Variants in DLG1 observed in about 807,000 individuals in gnomAD.
DLG1 encodes the protein discs large MAGUK scaffold protein 1.
DLG1 carries 42 observed loss-of-function variants against 123.4 expected under a neutral mutation model. The observed-to-expected ratio is 0.34, with a 90% CI of 0.27 to 0.44. DLG1 has a LOEUF of 0.44. Among genes scored for constraint, DLG1 ranks in the 20% least tolerant of loss-of-function variants. The probability of loss-of-function intolerance (pLI) is 1.00; values close to 1 mark genes in which losing one functional copy is unlikely to be tolerated. For synonymous variants in DLG1, 317 were observed against 356.2 expected (o/e 0.89, Z 1.24); for missense variants, 942 against 1,082.6 (o/e 0.87, Z 1.82).
chr3:197,051,819 G>T, intron 23 of DLG1, 151 bp from the exon 24 acceptor site: 1 of 519,640 alleles, frequency 1.9e-6, no homozygotes, highest in Non-Finnish European at 3.3e-6. Flanking sequence ...GAGTCATTCT[G>T]GTCATTTCTG....
chr3:197,214,439 G>A (rs1436984102), intron 4 of DLG1, among the ~76,000 whole-genome samples: 2 of 152,060 alleles, frequency 1.3e-5, no homozygotes, highest in African/African-American at 4.8e-5. Context: ...CGGGCGTGGT[G>A]GTGGGCGCCT....
At chr3:197,084,478 ATGTT>A (rs1753061942) in intron 16 of DLG1, among the ~76,000 whole-genome samples, 1 of 151,638 alleles carries the variant, frequency 6.6e-6, no homozygotes, top group Non-Finnish European at 1.5e-5. Context: ...CACCCAGCTA[ATGTT>A]TGTATTTTTA....
chr3:197,211,413 T>A (rs1307786490), intron 4 of DLG1, among the ~76,000 whole-genome samples: 1 of 146,252 alleles, frequency 6.8e-6, no homozygotes, highest in Non-Finnish European at 1.5e-5. Flanking sequence ...AAAAACTGAA[T>A]CCTGTAGCAC....
chr3:197,246,563 T>G (rs527906886), intron 4 of DLG1, among the ~76,000 whole-genome samples: 1 of 152,216 alleles, frequency 6.6e-6, no homozygotes, highest in African/African-American at 2.4e-5. Flanking sequence ...GTAGCTGTAA[T>G]AGACTGAATA....
At chr3:197,202,880 G>A (rs959644384) in intron 4 of DLG1, among the ~76,000 whole-genome samples, 4 of 152,194 alleles carry the variant, frequency 2.6e-5, no homozygotes, top group African/African-American at 9.6e-5. Flanking sequence ...AAGGAGGAAT[G>A]CTGTCCGTGT....
chr3:197,261,834 G>C (rs1309778056), intron 4 of DLG1, among the ~76,000 whole-genome samples: 1 of 151,998 alleles, frequency 6.6e-6, no homozygotes, highest in Non-Finnish European at 1.5e-5. Context: ...AGGCCCAATG[G>C]GACTTTACCT....
In DLG1 at chr3:197,059,904, G is replaced by A. The variant is rs752360157; in HGVS notation, c.2468C>T (p.Ser823Phe). The A allele has an allele frequency of 6.2e-7, 1 of 1,611,980 alleles. No individual in the cohort carries two copies. The highest frequency in any genetic ancestry group is 8.5e-7 in the Non-Finnish European group (1 of 1,178,344). Residue 823 changes from serine (S) to phenylalanine (F), a missense_variant, in exon 23 of 25, where the codon TCC becomes TTC. Transcript: ENST00000667157. ...TTACACTTACATGATATTTTCCATG[G>A]ATTTGGGTTTAATAAAAATGGAGAT... ...YPISIFIKPK[S>F]MENIMEMNKR...
intron 3 of DLG1, among the ~76,000 whole-genome samples, chr3:197,288,732 A>AC (rs1346092742): frequency 1.6e-5 from 2 of 122,152 alleles, no homozygotes; most frequent in African/African-American, 2.9e-5. Context: ...AAAAAAAAAA[A>AC]AAAAAAAAAA....
At chr3:197,129,181 C>T (rs1256743845) in intron 11 of DLG1, among the ~76,000 whole-genome samples, 2 of 152,232 alleles carry the variant, frequency 1.3e-5, no homozygotes, top group African/African-American at 2.4e-5. Context: ...GCTGTTTCAT[C>T]TACATTGAAA....
rs146988962 is a variant in DLG1, at chr3:197,228,511, TTTC to T, written c.319-33925_319-33923del. Reference sequence around the variant, plus strand: ...AATGATTACTAGGAATTAACCAGTGTTTCTTGTCTGTTTTTTTAGTAAACTGAA... The same window carrying T: ...AATGATTACTAGGAATTAACCAGTGTTTGTCTGTTTTTTTAGTAAACTGAA... On this transcript the variant is annotated intron_variant, in intron 4 of 24. Coordinates refer to ENST00000667157, the MANE Select transcript of DLG1 (RefSeq NM_001366207.1). Among the ~76,000 whole-genome samples the T allele has an allele frequency of 6.2e-4, 95 of 152,348 alleles. No individual in the cohort carries two copies. In the East Asian group the frequency reaches 0.017, roughly 27 times the overall value.
chr3:197,111,687 T>C (rs562472511), intron 13 of DLG1, among the ~76,000 whole-genome samples: 3 of 152,324 alleles, frequency 2.0e-5, no homozygotes, highest in African/African-American at 4.8e-5. Flanking sequence ...TGCACTTCTA[T>C]AGTCAGTCCC....
intron 16 of DLG1, among the ~76,000 whole-genome samples, chr3:197,083,199 T>G (rs1578779852): frequency 6.6e-6 from 1 of 152,306 alleles, no homozygotes; most frequent in East Asian, 1.9e-4. Flanking sequence ...CCGAAAATCA[T>G]AATTATAAAT....
intron 23 of DLG1, among the ~76,000 whole-genome samples, chr3:197,058,020 C>G (rs1469514208): frequency 6.6e-6 from 1 of 151,598 alleles, no homozygotes; most frequent in Non-Finnish European, 1.5e-5. Context: ...CGCTCTGTCA[C>G]CAGGCTGGAG....
At chr3:197,267,661 TTATC>T (rs1762272131) in intron 4 of DLG1, among the ~76,000 whole-genome samples, 1 of 151,452 alleles carries the variant, frequency 6.6e-6, no homozygotes, top group South Asian at 2.1e-4. Context: ...TTAAAAAAAA[TTATC>T]TAACTACACA....
intron 16 of DLG1, among the ~76,000 whole-genome samples, chr3:197,082,854 A>C (rs1269625728): frequency 6.6e-6 from 1 of 152,188 alleles, no homozygotes; most frequent in African/African-American, 2.4e-5. Flanking sequence ...AATCTTATAG[A>C]ATTTTTGTAC....
intron 3 of DLG1, among the ~76,000 whole-genome samples, chr3:197,283,955 G>A (rs1770610024): frequency 6.7e-6 from 1 of 149,542 alleles, no homozygotes; most frequent in Non-Finnish European, 1.5e-5. Context: ...TCCACCTCCT[G>A]GGTTCATGCG....
At position 197,200,287 on chromosome 3, in the gene DLG1, C is replaced by T. The variant is rs114570133; in HGVS notation, c.319-5698G>A. On this transcript the variant is annotated intron_variant, in intron 4 of 24. Transcript: ENST00000667157. ...ACAAATATTATTAGTGTGCAAATATCTCCCTATCTACCCCTCAAATACTTA... is the reference window on the plus strand; with the variant it reads ...ACAAATATTATTAGTGTGCAAATATTTCCCTATCTACCCCTCAAATACTTA... 7.3e-3 allele frequency among the ~76,000 whole-genome samples: 1,106 copies of T among 152,252 alleles called. 7 individuals carry two copies. Among genetic ancestry groups the T allele is most frequent in the Non-Finnish European group, 0.012 (807 of 67,994 alleles).
chr3:197,157,535 G>T (rs910940429), intron 5 of DLG1, among the ~76,000 whole-genome samples: 1 of 152,082 alleles, frequency 6.6e-6, no homozygotes, highest in African/African-American at 2.4e-5. Flanking sequence ...ATGTATGAAA[G>T]AAATTAAGAA....
At chr3:197,152,078 T>C (rs961477894) in intron 5 of DLG1, among the ~76,000 whole-genome samples, 2 of 152,196 alleles carry the variant, frequency 1.3e-5, no homozygotes, top group African/African-American at 2.4e-5. Context: ...TAGCTTCCTA[T>C]GATTTGCAAC....
Sources: gnomAD v4.1 joint callset for allele counts (sites outside exome capture counted in the v4.1 genomes callset) on GRCh38, gnomAD v4.1.1 for gene constraint, MANE v1.5 for transcripts, NCBI Gene and HGNC (gene_info 2026-07-23, HGNC 2026-07-21) for gene names.